The following H6PD variants were observed in gnomAD, a reference collection of about 807,000 sequenced individuals.
The protein encoded by H6PD is GDH/6PGL endoplasmic bifunctional protein.
A neutral mutation model predicts 61.2 loss-of-function variants in H6PD; 48 were observed. The ratio of observed to expected loss-of-function variants is 0.78; its 90% CI spans 0.62 to 1.00. The LOEUF (loss-of-function observed/expected upper bound fraction) is 1.00, where lower values mean the gene tolerates loss of function less well. H6PD is among the 50% of genes least tolerant of loss of function. The pLI is 0.00. For missense variants in H6PD, 1,093 were observed against 1,065.0 expected, an observed-to-expected ratio of 1.03 and a Z score of -0.37; for synonymous variants, 480 against 457.9, an observed-to-expected ratio of 1.05 and a Z score of -0.62.
At chr1:9,253,262 T>C (rs568841681) in intron 3 of H6PD, among the ~76,000 whole-genome samples, 7 of 152,292 alleles carry the variant, frequency 4.6e-5, no homozygotes, top group African/African-American at 1.7e-4. Context: ...AAGGAAGCTC[T>C]CTTTTACCCA....
At chr1:9,239,423 A>T (rs1042271715) in intron 1 of H6PD, among the ~76,000 whole-genome samples, 5 of 152,170 alleles carry the variant, frequency 3.3e-5, no homozygotes, top group African/African-American at 1.2e-4. Context: ...TCTGGCCCTT[A>T]GGGCAGTGAA....
intron 3 of H6PD, among the ~76,000 whole-genome samples, chr1:9,260,489 GCCAGTGTTGTTACGTTGCTGTTGTTACA>G (rs1285336805): frequency 1.3e-5 from 2 of 151,490 alleles, no homozygotes; most frequent in African/African-American, 4.9e-5. Context: ...TTGCTGTTAC[GCCAGTGTTGTTACGTTGCTGTTGTTACA>G]CCAGTGTTGT....
At chr1:9,250,402 CT>C (rs1436132889) in intron 3 of H6PD, among the ~76,000 whole-genome samples, 2 of 148,188 alleles carry the variant, frequency 1.3e-5, no homozygotes, top group African/African-American at 2.5e-5. Flanking sequence ...GCAGGCCATT[CT>C]CCCCCACTCC....
At chr1:9,256,398 C>T (rs1641517675) in intron 3 of H6PD, among the ~76,000 whole-genome samples, 1 of 152,222 alleles carries the variant, frequency 6.6e-6, no homozygotes, top group Admixed American at 6.5e-5. Flanking sequence ...GGACAGAGTG[C>T]CTTCCTACGA....
chr1:9,255,266 T>C (rs868094562), intron 3 of H6PD, among the ~76,000 whole-genome samples: 4 of 111,720 alleles, frequency 3.6e-5, no homozygotes, highest in Admixed American at 1.9e-4. Flanking sequence ...CAATAACTCT[T>C]ATTTATTTAT....
chr1:9,270,873 C>T lies in H6PD; in HGVS notation c.*6004C>T, dbSNP rs1323340748. ...GTGCTTTTTTCCAGAGAGGGGAACC[C>T]CACTGGTTTTTGTGGAAACAATGGA... On this transcript the variant is annotated 3_prime_UTR_variant, in exon 5 of 5. Coordinates refer to ENST00000377403, the MANE Select transcript of H6PD (RefSeq NM_004285.4). 6.6e-6 allele frequency: 1 copy of T among 152,116 alleles called. No homozygotes were observed. Among genetic ancestry groups the T allele is most frequent in the Non-Finnish European group, 1.5e-5 (1 of 68,048 alleles). 9.4% of individuals were successfully genotyped at this position (152,116 alleles called of 1,614,324 possible).
intron 4 of H6PD, among the ~76,000 whole-genome samples, chr1:9,262,923 G>T (rs1027432259): frequency 1.3e-5 from 2 of 152,208 alleles, no homozygotes; most frequent in Non-Finnish European, 2.9e-5. Flanking sequence ...GAAACGTAAG[G>T]CTCGGTGAAG....
At position 9,262,233 on chromosome 1, in the gene H6PD, G is replaced by C. The variant is rs2100391006; in HGVS notation, c.920G>C (p.Ser307Thr). 6.2e-7 allele frequency: 1 copy of C among 1,613,604 alleles called. No individual in the cohort carries two copies. Among genetic ancestry groups the C allele is most frequent in the East Asian group, 2.2e-5 (1 of 44,874 alleles). The change falls in exon 4 of 5, where the codon AGT (serine) becomes ACT (threonine). Residue 307 changes from serine (S) to threonine (T), a missense_variant. By Grantham distance (58) the Ser-to-Thr change is moderately conservative. Coordinates refer to ENST00000377403, the MANE Select transcript of H6PD (RefSeq NM_004285.4). ...GCGCTGCGGGGCCTGCAGAGGGGCAGTGCCGTCGTGGGCCAGTACCAGTCT... is the reference window on the plus strand; with the variant it reads ...GCGCTGCGGGGCCTGCAGAGGGGCACTGCCGTCGTGGGCCAGTACCAGTCT... ...FQALRGLQRG[S>T]AVVGQYQSYS...
chr1:9,266,120 A>G lies in H6PD; in HGVS notation c.*1251A>G, dbSNP rs72641816. 6.6e-6 allele frequency: 1 copy of G among 152,382 alleles called. No homozygotes were observed. Among genetic ancestry groups the G allele is most frequent in the East Asian group, 1.9e-4 (1 of 5,182 alleles). The allele number at this position is 152,382 out of a possible 1,614,324, so 9.4% of individuals were successfully genotyped here. A position where few individuals can be genotyped will look rare whatever the true frequency, so the allele number is the denominator to read the frequency against. On this transcript the variant is annotated 3_prime_UTR_variant, in exon 5 of 5. Coordinates refer to ENST00000377403, the MANE Select transcript of H6PD (RefSeq NM_004285.4). ...TCATTAGCGGGGAGAGAGATGGAGCATCGAGTGACACTGGGCCATCCAGGC... is the reference window on the plus strand; with the variant it reads ...TCATTAGCGGGGAGAGAGATGGAGCGTCGAGTGACACTGGGCCATCCAGGC...
chr1:9,246,228 G>A (rs1641171975), intron 2 of H6PD, among the ~76,000 whole-genome samples: 1 of 152,186 alleles, frequency 6.6e-6, no homozygotes, highest in South Asian at 2.1e-4. Context: ...ACAGGCGTGA[G>A]CCACCGCACC....
chr1:9,241,054 T>C (rs1436689873), intron 1 of H6PD, among the ~76,000 whole-genome samples: 3 of 152,052 alleles, frequency 2.0e-5, no homozygotes, highest in Admixed American at 2.0e-4. Flanking sequence ...TCGGGAGTGT[T>C]GAGTTAGGAA....
At chr1:9,263,120 C>T (rs1443049378) in intron 4 of H6PD, among the ~76,000 whole-genome samples, 1 of 151,926 alleles carries the variant, frequency 6.6e-6, no homozygotes, top group Non-Finnish European at 1.5e-5. Context: ...AGGAGGGAAG[C>T]ACGTTTCTCT....
chr1:9,249,854 G>C (rs373275394), intron 3 of H6PD, among the ~76,000 whole-genome samples: 2 of 152,352 alleles, frequency 1.3e-5, no homozygotes, highest in African/African-American at 4.8e-5. Context: ...ACAGCCTGCT[G>C]CTGAGCCCAG....
intron 3 of H6PD, among the ~76,000 whole-genome samples, chr1:9,256,494 C>T (rs1371869875): frequency 6.6e-6 from 1 of 152,134 alleles, no homozygotes. Context: ...GCAGGTTGTT[C>T]CCCCAGCCAT....
Position 9,267,891 on chromosome 1 carries a change from C to T in H6PD, c.*3022C>T, listed in dbSNP as rs910987063. The T allele has an allele frequency of 1.3e-5, 2 of 152,280 alleles. No homozygotes were observed. Among genetic ancestry groups the T allele is most frequent in the Non-Finnish European group, 2.9e-5 (2 of 68,020 alleles). 9.4% of individuals were successfully genotyped at this position (152,280 alleles called of 1,614,324 possible). On this transcript the variant is annotated 3_prime_UTR_variant, in exon 5 of 5. Coordinates refer to ENST00000377403, the MANE Select transcript of H6PD (RefSeq NM_004285.4). The stretch of plus-strand genomic sequence containing the variant: ...GCAGGTTTCATAAAGAAATTCTTAA[C>T]CTTAGAACCTCGGATATCCTCTATG...
In H6PD at chr1:9,245,185, T is replaced by G; in HGVS notation, c.251T>G (p.Leu84Arg). The change falls in exon 2 of 5, where the codon CTC becomes CGC. Residue 84 changes from leucine to arginine, a missense_variant. Leu to Arg is a moderately radical substitution (Grantham distance 102). Coordinates refer to ENST00000377403, the MANE Select transcript of H6PD (RefSeq NM_004285.4). The surrounding 1 kb of genome is among the most constrained non-coding windows in gnomAD (Gnocchi z 4.8). ...QELMAKALES[L>R]SCPKDMAPSH... ...CTCATGGCCAAGGCCCTGGAATCCC[T>G]CTCCTGCCCCAAGGACATGGCACCC... 6.2e-7 allele frequency: 1 copy of G among 1,614,104 alleles called. No individual in the cohort carries two copies. Among genetic ancestry groups the G allele is most frequent in the Non-Finnish European group, 8.5e-7 (1 of 1,180,018 alleles).
At chr1:9,242,727 G>C (rs1283043766) in intron 1 of H6PD, 1 of 985,344 alleles carries the variant, frequency 1.0e-6, no homozygotes, top group African/African-American at 1.7e-5. Context: ...TTTGTACCAG[G>C]CACGTCCAGA....
At chr1:9,253,511 G>A (rs768027020) in intron 3 of H6PD, among the ~76,000 whole-genome samples, 11 of 152,116 alleles carry the variant, frequency 7.2e-5, no homozygotes, top group Non-Finnish European at 1.5e-4. Flanking sequence ...ATATTTGGAC[G>A]TCTCTGAAGT....
Position 9,254,695 on chromosome 1 carries a change from A to T in H6PD, c.746-7364A>T, listed in dbSNP as rs1294656553. ...CCCTGTTCTAAAACCTTTTTTAAAA[A>T]GTTTTATTGAGCTGTAACTCACAAA... On this transcript the variant is annotated intron_variant, in intron 3 of 4. Coordinates refer to ENST00000377403, the MANE Select transcript of H6PD (RefSeq NM_004285.4). This position sits in a 1 kb window ranked among gnomAD's most constrained non-coding sequence, Gnocchi z 4.6. Among the ~76,000 whole-genome samples the T allele has an allele frequency of 1.3e-5, 2 of 152,178 alleles. No individual in the cohort carries two copies. The highest frequency in any genetic ancestry group is 1.3e-4 in the Admixed American group (2 of 15,282).
Sources: gnomAD v4.1 joint callset for allele counts (sites outside exome capture counted in the v4.1 genomes callset) on GRCh38, gnomAD v4.1.1 for gene constraint, Gnocchi (gnomAD v3.1) non-coding constraint, MANE v1.5 for transcripts, NCBI Gene and HGNC (gene_info 2026-07-23, HGNC 2026-07-21) for gene names.